Variants in ITGA4 observed in about 807,000 individuals in gnomAD.
ITGA4 encodes the protein integrin alpha-4.
ITGA4 carries 63 observed loss-of-function variants against 133.6 expected under a neutral mutation model. That is an observed-to-expected ratio of 0.47 (90% CI 0.38 to 0.58). The LOEUF (loss-of-function observed/expected upper bound fraction) is 0.58, where lower values mean the gene tolerates loss of function less well. Ranked by LOEUF, ITGA4 falls within the 20% of genes least tolerant of loss-of-function variation. The pLI is 0.00. For synonymous variants in ITGA4, 483 were observed against 438.0 expected, an observed-to-expected ratio of 1.10 and a Z score of -1.28; for missense variants, 1,076 against 1,252.7, an observed-to-expected ratio of 0.86 and a Z score of 2.13.
rs762150607 is a variant in ITGA4 at position 181,538,224 on chromosome 2, CTGA to C, written c.*2699_*2701del. ...TTCTTCCATGCTTCCTCCATAAAGA[CTGA>C]TAAGTCTTGGATGCAATCTGTAAAG... On this transcript the variant is annotated 3_prime_UTR_variant, in exon 28 of 28. Coordinates refer to ENST00000397033, the MANE Select transcript of ITGA4 (RefSeq NM_000885.6). 2 of 1,592,624 alleles carry C rather than the reference CTGA, an allele frequency of 1.3e-6. No individual in the cohort carries two copies. The highest frequency in any genetic ancestry group is 1.3e-5 in the African/African-American group (1 of 74,452).
chr2:181,522,408 G>T, intron 18 of ITGA4, 67 bp downstream of exon 18: 1 of 1,059,896 alleles, frequency 9.4e-7, no homozygotes, highest in Non-Finnish European at 1.4e-6. Context: ...AAAAGTAAAT[G>T]GTAGAATTCA....
In ITGA4 at chr2:181,529,565, G is replaced by A. The variant is rs376226455; in HGVS notation, c.2455G>A (p.Ala819Thr). Reference protein sequence around the residue: ...FHVINTGNSMAPNVSVEIMVP... With the variant: ...FHVINTGNSMTPNVSVEIMVP... ...GGTTATCAACACTGGCAATAGTATG[G>A]CTCCCAATGTTAGTGTGGAAATAAT... The change falls in exon 23 of 28, where the codon GCT becomes ACT. Residue 819 changes from alanine (A) to threonine (T), a missense_variant. Physicochemically the swap from Ala to Thr is moderately conservative, Grantham distance 58 (BLOSUM62 0). This residue lies in a region of ITGA4 where 365 missense variants were observed against 421.4 expected (regional missense o/e 0.87). Coordinates refer to ENST00000397033, the MANE Select transcript of ITGA4 (RefSeq NM_000885.6). The A allele has an allele frequency of 1.2e-5, 20 of 1,605,028 alleles. No homozygotes were observed. Among genetic ancestry groups the A allele is most frequent in the Non-Finnish European group, 1.6e-5 (19 of 1,172,370 alleles).
chr2:181,525,446 AGCT>A, intron 21 of ITGA4, among the ~76,000 whole-genome samples, 155 bp downstream of exon 21: 1 of 152,214 alleles, frequency 6.6e-6, no homozygotes, highest in Middle Eastern at 3.4e-3. Flanking sequence ...TCCCTTACTT[AGCT>A]GTCCATTATA....
intron 14 of ITGA4, among the ~76,000 whole-genome samples, chr2:181,497,718 C>T (rs916663766): frequency 9.2e-5 from 14 of 152,096 alleles, no homozygotes; most frequent in African/African-American, 3.1e-4. Flanking sequence ...ATTCTTTAAA[C>T]TATCACTTAT....
At chr2:181,522,510 G>A (rs1200019872) in intron 18 of ITGA4, among the ~76,000 whole-genome samples, 169 bp downstream of exon 18, 1 of 152,046 alleles carries the variant, frequency 6.6e-6, no homozygotes, top group African/African-American at 2.4e-5. Flanking sequence ...CAAGTTCTTG[G>A]GTCTTAAGTC....
intron 9 of ITGA4, among the ~76,000 whole-genome samples, chr2:181,484,646 A>G (rs970995399): frequency 6.6e-6 from 1 of 152,230 alleles, no homozygotes; most frequent in African/African-American, 2.4e-5. Flanking sequence ...AGTATCTGAA[A>G]TGTAACCAGG....
intron 22 of ITGA4, among the ~76,000 whole-genome samples, chr2:181,528,133 A>G (rs1023502579): frequency 4.6e-5 from 7 of 152,326 alleles, no homozygotes; most frequent in East Asian, 1.9e-4. Context: ...TTGTAAGACA[A>G]TGCTTTTCAA....
chr2:181,504,303 A>G (rs2105751848), intron 15 of ITGA4, among the ~76,000 whole-genome samples: 1 of 152,192 alleles, frequency 6.6e-6, no homozygotes, highest in South Asian at 2.1e-4. Flanking sequence ...TCTGAATTTT[A>G]GATTTATGAA....
chr2:181,498,629 T>C lies in ITGA4; in HGVS notation c.1547T>C (p.Phe516Ser). ...ATTCTCTATATTTTTGCAGTTTTGT[T>C]TTATAACATGAGTTTGGATGTGAAC... ...GKEVPGYIVL[F>S]YNMSLDVNRK... The change falls in exon 15 of 28, where the codon TTT becomes TCT. Residue 516 changes from phenylalanine (F) to serine (S), a missense_variant. Phe to Ser is a radical substitution (Grantham distance 155). Coordinates refer to ENST00000397033, the MANE Select transcript of ITGA4 (RefSeq NM_000885.6). 1 of 1,598,978 alleles carries C rather than the reference T, an allele frequency of 6.3e-7. No individual in the cohort carries two copies. Among genetic ancestry groups the C allele is most frequent in the Non-Finnish European group, 8.5e-7 (1 of 1,171,812 alleles).
At chr2:181,485,387 C>A (rs1489400364) in intron 9 of ITGA4, among the ~76,000 whole-genome samples, 1 of 144,148 alleles carries the variant, frequency 6.9e-6, no homozygotes, top group African/African-American at 2.6e-5. Flanking sequence ...TATGAAATGT[C>A]TTCTGTTATA....
chr2:181,479,424 G>C (rs1183668187), intron 5 of ITGA4: 1 of 151,934 alleles, frequency 6.6e-6, no homozygotes, highest in Non-Finnish European at 1.5e-5. Context: ...ATCAAGTTTG[G>C]GGTTGACAGT....
At chr2:181,527,078 C>T (rs1686849303) in intron 21 of ITGA4, among the ~76,000 whole-genome samples, 2 of 151,672 alleles carry the variant, frequency 1.3e-5, no homozygotes. Flanking sequence ...TCAGGTGATG[C>T]GCCCTCCTCG....
At chr2:181,467,184 A>G (rs1685439746) in intron 2 of ITGA4, among the ~76,000 whole-genome samples, 1 of 151,952 alleles carries the variant, frequency 6.6e-6, no homozygotes, top group Non-Finnish European at 1.5e-5. Flanking sequence ...AACAATTTGA[A>G]ATGTATGGGT....
In ITGA4 at chr2:181,536,810, ATT is replaced by A; in HGVS notation, c.*1284_*1285del. On this transcript the variant is annotated 3_prime_UTR_variant, in exon 28 of 28. Coordinates refer to ENST00000397033, the MANE Select transcript of ITGA4 (RefSeq NM_000885.6). ...TTATTTTATGCTTATGATCTAGATA[ATT>A]GCAGAATATCATTTTATCTGACTCT... is the stretch of plus-strand genomic sequence containing the variant. 1 of 310,906 alleles carries A rather than the reference ATT, an allele frequency of 3.2e-6. No individual in the cohort carries two copies. Among genetic ancestry groups the A allele is most frequent in the East Asian group, 8.6e-5 (1 of 11,682 alleles). The allele number at this position is 310,906 out of a possible 1,614,324, so 19.3% of individuals were successfully genotyped here.
intron 15 of ITGA4, among the ~76,000 whole-genome samples, chr2:181,504,386 G>A (rs1686348965): frequency 3.9e-5 from 6 of 151,952 alleles, no homozygotes. Context: ...GTAGTTTCAG[G>A]AAAACGTGTA....
At position 181,502,144 on chromosome 2, in the gene ITGA4, A is replaced by T. The variant is rs374780743; in HGVS notation, c.1695+3367A>T. 6.6e-5 allele frequency among the ~76,000 whole-genome samples: 10 copies of T among 152,256 alleles called. No individual in the cohort carries two copies. The East Asian group carries it at 1.2e-3, about 18-fold the overall frequency. On this transcript the variant is annotated intron_variant, in intron 15 of 27. Transcript: ENST00000397033. Reference sequence around the variant, plus strand: ...ATGTTTTCTATACTGCAGCTTGATCAAATAAGATGAGGGCTGAAAACTCAA... The same window carrying T: ...ATGTTTTCTATACTGCAGCTTGATCTAATAAGATGAGGGCTGAAAACTCAA...
intron 15 of ITGA4, among the ~76,000 whole-genome samples, chr2:181,505,493 A>T (rs956470127): frequency 1.3e-5 from 2 of 152,056 alleles, no homozygotes; most frequent in Non-Finnish European, 2.9e-5. Context: ...AAAATGTGGC[A>T]TGGAATCTTC....
chr2:181,462,360 AT>A (rs1346784441), intron 2 of ITGA4, among the ~76,000 whole-genome samples: 1 of 152,168 alleles, frequency 6.6e-6, no homozygotes, highest in Non-Finnish European at 1.5e-5. Flanking sequence ...CTCCTGGTTC[AT>A]ATTATATAAC....
At chr2:181,482,472 T>C in intron 8 of ITGA4, 42 bp from the exon 9 acceptor site, 1 of 1,613,584 alleles carries the variant, frequency 6.2e-7, no homozygotes, top group Non-Finnish European at 8.5e-7. Context: ...CGAGTAACCC[T>C]GCTTTTTTCT....
Sources: gnomAD v4.1 joint callset for allele counts (sites outside exome capture counted in the v4.1 genomes callset) on GRCh38, gnomAD v4.1.1 for gene constraint, gnomAD v4.1.1 regional missense constraint, MANE v1.5 for transcripts, NCBI Gene and HGNC (gene_info 2026-07-23, HGNC 2026-07-21) for gene names.